The following ARHGAP18 variants were observed in gnomAD, a reference collection of about 807,000 sequenced individuals.
ARHGAP18 encodes the protein rho GTPase-activating protein 18.
Under a neutral mutation model 86.2 loss-of-function variants are expected in ARHGAP18, and 67 were observed. The ratio of observed to expected loss-of-function variants is 0.78; its 90% CI spans 0.64 to 0.95. The LOEUF (loss-of-function observed/expected upper bound fraction) is 0.95. Ranked by LOEUF, ARHGAP18 falls within the 40% of genes least tolerant of loss-of-function variation. The pLI, the probability that ARHGAP18 is intolerant of heterozygous loss-of-function variation, is 0.00. For missense variants in ARHGAP18, 691 were observed against 780.4 expected (o/e 0.89, Z 1.37); for synonymous variants, 283 against 280.4 (o/e 1.01, Z -0.09).
chr6:129,668,666 C>G (rs879829771), intron 1 of ARHGAP18, among the ~76,000 whole-genome samples: 4 of 152,134 alleles, frequency 2.6e-5, no homozygotes, highest in Admixed American at 2.6e-4. Context: ...CTTTTCCTAC[C>G]CCAGAAGCCT....
intron 1 of ARHGAP18, among the ~76,000 whole-genome samples, chr6:129,655,112 G>A (rs1238595964): frequency 6.6e-6 from 1 of 152,116 alleles, no homozygotes; most frequent in African/African-American, 2.4e-5. Flanking sequence ...CCTGAGCTCA[G>A]GAGTTCGAGA....
At chr6:129,580,401 G>T (rs1253513799) in intron 13 of ARHGAP18, among the ~76,000 whole-genome samples, 2 of 152,130 alleles carry the variant, frequency 1.3e-5, no homozygotes, top group Non-Finnish European at 1.5e-5. Flanking sequence ...CAAAAGAAAA[G>T]TTAATGTAAC....
chr6:129,650,863 C>T (rs116713422), intron 1 of ARHGAP18, among the ~76,000 whole-genome samples: 181 of 152,234 alleles, frequency 1.2e-3, no homozygotes, highest in African/African-American at 4.1e-3. Context: ...GCTGTCATTA[C>T]TCAATTTCAT....
chr6:129,706,356 A>G (rs1774802325), intron 1 of ARHGAP18, among the ~76,000 whole-genome samples: 1 of 152,232 alleles, frequency 6.6e-6, no homozygotes, highest in Non-Finnish European at 1.5e-5. Flanking sequence ...ATGACAACTA[A>G]TGTTAACATA....
intron 7 of ARHGAP18, among the ~76,000 whole-genome samples, chr6:129,613,347 G>A (rs1412681925): frequency 6.6e-6 from 1 of 151,820 alleles, no homozygotes; most frequent in Non-Finnish European, 1.5e-5. Flanking sequence ...AATTATTTTA[G>A]ATCAGATGGG....
chr6:129,656,825 C>T (rs891348394), intron 1 of ARHGAP18, among the ~76,000 whole-genome samples: 4 of 152,164 alleles, frequency 2.6e-5, no homozygotes, highest in Admixed American at 1.3e-4. Context: ...TTCCTCTGAG[C>T]AAATAAAGAA....
chr6:129,641,140 C>A (rs1773455639), intron 2 of ARHGAP18, among the ~76,000 whole-genome samples: 1 of 152,160 alleles, frequency 6.6e-6, no homozygotes, highest in South Asian at 2.1e-4. Context: ...TGAGCCGTTG[C>A]ATCCAATCTG....
chr6:129,700,230 T>C (rs1774688973), intron 1 of ARHGAP18, among the ~76,000 whole-genome samples: 1 of 152,238 alleles, frequency 6.6e-6, no homozygotes, highest in Non-Finnish European at 1.5e-5. Flanking sequence ...CATTGGTACT[T>C]TTACCTGCAA....
chr6:129,608,556 A>G (rs537134928), intron 8 of ARHGAP18, among the ~76,000 whole-genome samples: 2 of 152,204 alleles, frequency 1.3e-5, no homozygotes, highest in Non-Finnish European at 2.9e-5. Context: ...TTTATAGTAA[A>G]CGAGGCAAGA....
intron 1 of ARHGAP18, among the ~76,000 whole-genome samples, chr6:129,679,387 T>C (rs984698848): frequency 1.3e-5 from 2 of 152,208 alleles, no homozygotes; most frequent in African/African-American, 4.8e-5. Context: ...GGGAGAAACA[T>C]AGCCGGAAAA....
chr6:129,624,831 G>C (rs1337751310), intron 5 of ARHGAP18, among the ~76,000 whole-genome samples: 1 of 150,288 alleles, frequency 6.7e-6, no homozygotes, highest in Non-Finnish European at 1.5e-5. Context: ...TATAATCCCA[G>C]CTCTTTGGGA....
In ARHGAP18 at chr6:129,677,143, A is replaced by C. The variant is rs546466449; in HGVS notation, c.113+32881T>G. Among the ~76,000 whole-genome samples the C allele has an allele frequency of 3.9e-5, 6 of 152,184 alleles. No homozygotes were observed. The East Asian group carries it at 7.7e-4, about 20-fold the overall frequency. On this transcript the variant is annotated intron_variant, in intron 1 of 14. Coordinates refer to ENST00000368149, the MANE Select transcript of ARHGAP18 (RefSeq NM_033515.3). ...CGCGGTGGCTCACGCCTGTAATCCC[A>C]GCACTTTGGGAGGCCGAAGCAGGCG... is the stretch of plus-strand genomic sequence containing the variant.
At chr6:129,608,640 C>A (rs1788908080) in intron 8 of ARHGAP18, among the ~76,000 whole-genome samples, 1 of 152,118 alleles carries the variant, frequency 6.6e-6, no homozygotes, top group African/African-American at 2.4e-5. Context: ...TGAGTCCATG[C>A]AGAATTAGAA....
chr6:129,682,196 G>A (rs548164796), intron 1 of ARHGAP18, among the ~76,000 whole-genome samples: 16 of 152,214 alleles, frequency 1.1e-4, no homozygotes, highest in South Asian at 2.1e-4. Flanking sequence ...CCTAACCCCC[G>A]GTTTTGGCTA....
intron 1 of ARHGAP18, among the ~76,000 whole-genome samples, chr6:129,691,376 T>C (rs1774525500): frequency 6.6e-6 from 1 of 152,198 alleles, no homozygotes; most frequent in South Asian, 2.1e-4. Context: ...TGCTTTAGCA[T>C]CTCCATGGAA....
intron 1 of ARHGAP18, among the ~76,000 whole-genome samples, chr6:129,671,668 C>A (rs931400845): frequency 6.6e-6 from 1 of 152,134 alleles, no homozygotes; most frequent in Non-Finnish European, 1.5e-5. Context: ...GATCGTTTAC[C>A]TGCACTCCAG....
intron 1 of ARHGAP18, among the ~76,000 whole-genome samples, chr6:129,689,297 T>C (rs1240063261): frequency 6.6e-6 from 1 of 152,126 alleles, no homozygotes; most frequent in Admixed American, 6.5e-5. Context: ...GATGGTTTTG[T>C]TTTTTGTCTT....
At chr6:129,673,379 G>C (rs1351586246) in intron 1 of ARHGAP18, among the ~76,000 whole-genome samples, 1 of 148,706 alleles carries the variant, frequency 6.7e-6, no homozygotes, top group African/African-American at 2.5e-5. Flanking sequence ...GTCTTAAATA[G>C]AGTAGCCAAA....
At chr6:129,597,009 T>A (rs995507700) in intron 12 of ARHGAP18, 1 of 152,218 alleles carries the variant, frequency 6.6e-6, no homozygotes, top group African/African-American at 2.4e-5. Flanking sequence ...AAACTCTTGT[T>A]ACTTAGTAAC....
Sources: gnomAD v4.1 joint callset for allele counts (sites outside exome capture counted in the v4.1 genomes callset) on GRCh38, gnomAD v4.1.1 for gene constraint, MANE v1.5 for transcripts, NCBI Gene and HGNC (gene_info 2026-07-23, HGNC 2026-07-21) for gene names.